ABLIM1: variants seen among roughly 807,000 people sequenced by gnomAD.
ABLIM1 encodes the protein actin-binding LIM protein 1.
Under a neutral mutation model 107.0 loss-of-function variants are expected in ABLIM1, and 40 were observed. That is an observed-to-expected ratio of 0.37 (90% CI 0.29 to 0.49). The LOEUF (loss-of-function observed/expected upper bound fraction) is 0.49, where lower values mean the gene tolerates loss of function less well. Among genes scored for constraint, ABLIM1 ranks in the 20% least tolerant of loss-of-function variants. ABLIM1 has a pLI of 0.97. For missense variants in ABLIM1, 857 were observed against 1,008.5 expected (o/e 0.85, Z 2.04); for synonymous variants, 357 against 357.3 (o/e 1.00, Z 0.01).
intron 1 of ABLIM1, among the ~76,000 whole-genome samples, chr10:114,610,409 T>C (rs1372013994): frequency 1.3e-5 from 2 of 152,200 alleles, no homozygotes; most frequent in Non-Finnish European, 2.9e-5. Flanking sequence ...CCTATTCTCA[T>C]GGCAGTCTAC....
At chr10:114,685,461 T>C (rs990743533), upstream of ABLIM1, among the ~76,000 whole-genome samples, 2 of 152,234 alleles carry the variant, frequency 1.3e-5, no homozygotes, top group African/African-American at 4.8e-5. Context: ...GTTTGATTAA[T>C]TGAAGAGTCC....
intron 1 of ABLIM1, among the ~76,000 whole-genome samples, chr10:114,739,451 A>T (rs1393116393): frequency 6.6e-6 from 1 of 152,200 alleles, no homozygotes; most frequent in Non-Finnish European, 1.5e-5. Flanking sequence ...CTTTCACCAT[A>T]AGGAGTCTGA....
In ABLIM1 at chr10:114,468,305, C is replaced by G. The variant is rs1021977818; in HGVS notation, c.1276-89G>C. 8 of 1,280,898 alleles carry G rather than the reference C, an allele frequency of 6.2e-6. No homozygotes were observed. The East Asian group carries it at 1.9e-4, about 30-fold the overall frequency. The allele number at this position is 1,280,898 out of a possible 1,614,324, so 79.3% of individuals were successfully genotyped here. ...TGTTTGTTTGTTTGAGATGGAGTCT[C>G]GCTCTGTCGCCCAGGCTGGAGTGCA... On this transcript the variant is annotated intron_variant, in intron 10 of 22. Coordinates refer to ENST00000533213, the MANE Select transcript of ABLIM1 (RefSeq NM_002313.7).
chr10:114,564,518 A>C (rs940311956), intron 4 of ABLIM1, among the ~76,000 whole-genome samples: 1 of 151,056 alleles, frequency 6.6e-6, no homozygotes, highest in Non-Finnish European at 1.5e-5. Context: ...TGATCTGCCC[A>C]CCTCAGCCTC....
At chr10:114,515,908 C>T (rs1367705515) in intron 6 of ABLIM1, among the ~76,000 whole-genome samples, 1 of 152,206 alleles carries the variant, frequency 6.6e-6, no homozygotes, top group Non-Finnish European at 1.5e-5. Flanking sequence ...TCAGAGAGGA[C>T]ATGGCTCTAC....
In ABLIM1 at chr10:114,629,861, TGAAAC is replaced by T. The variant is rs920263195; in HGVS notation, c.245-27905_245-27901del. ...AAACAAACAAACAAACAAACAAAAATGAAACGAAACGAAACAAACCTGCCTTTCTC... is the reference window on the plus strand; with the variant it reads ...AAACAAACAAACAAACAAACAAAAATGAAACGAAACAAACCTGCCTTTCTC... On this transcript the variant is annotated intron_variant, in intron 1 of 22. Coordinates refer to ENST00000533213, the MANE Select transcript of ABLIM1 (RefSeq NM_002313.7). This position sits in a 1 kb window ranked among gnomAD's most constrained non-coding sequence, Gnocchi z 4.0. Among the ~76,000 whole-genome samples, 3 of 151,838 alleles carry T rather than the reference TGAAAC, an allele frequency of 2.0e-5. No homozygotes were observed. Among genetic ancestry groups the T allele is most frequent in the African/African-American group, 7.3e-5 (3 of 41,282 alleles).
intron 1 of ABLIM1, among the ~76,000 whole-genome samples, chr10:114,691,237 A>C (rs560855385): frequency 6.6e-6 from 1 of 152,284 alleles, no homozygotes; most frequent in South Asian, 2.1e-4. Flanking sequence ...CTCCACCTCA[A>C]CATTCTCACA....
chr10:114,526,791 C>A (rs549734481), intron 6 of ABLIM1: 2 of 985,444 alleles, frequency 2.0e-6, no homozygotes, highest in Admixed American at 1.2e-4. Flanking sequence ...CAGACTGAGG[C>A]TCCCACCTGC....
intron 2 of ABLIM1, among the ~76,000 whole-genome samples, chr10:114,586,928 TA>T (rs1215330224): frequency 1.3e-5 from 2 of 152,146 alleles, no homozygotes; most frequent in Non-Finnish European, 2.9e-5. Flanking sequence ...CAATTTTTCC[TA>T]AAAAAATGAA....
At chr10:114,767,569 T>A (rs1161965237) in intron 1 of ABLIM1, among the ~76,000 whole-genome samples, 5 of 150,050 alleles carry the variant, frequency 3.3e-5, no homozygotes, top group Admixed American at 6.7e-5. Context: ...GGGTGGGGAG[T>A]GGAAGGGGAG....
At chr10:114,650,705 C>T (rs764767926) in intron 1 of ABLIM1, among the ~76,000 whole-genome samples, 91 of 152,160 alleles carry the variant, frequency 6.0e-4, no homozygotes, top group Non-Finnish European at 1.1e-3. Context: ...TCCTTTTACT[C>T]GTATTTTGGG....
chr10:114,650,846 GAGA>G (rs1489556033), intron 1 of ABLIM1, among the ~76,000 whole-genome samples: 1 of 152,184 alleles, frequency 6.6e-6, no homozygotes. Flanking sequence ...ACATTTGGGT[GAGA>G]AGAAGAGGGG....
chr10:114,625,412 T>C (rs2077725902), intron 1 of ABLIM1, among the ~76,000 whole-genome samples: 1 of 152,072 alleles, frequency 6.6e-6, no homozygotes, highest in South Asian at 2.1e-4. Flanking sequence ...ACAGACAGCA[T>C]TAGAGGCAGC....
In ABLIM1 at chr10:114,473,103, G is replaced by A. The variant is rs1355773635; in HGVS notation, c.1149C>T (p.Tyr383=). ...YAKVDNEILD[Y]KDLAAIPKVK... ...CCTTCGGAATGGCTGCTAAATCCTT[G>A]TAATCCAGGATCTCATTGTCTACTT... The change falls in exon 10 of 23, where the codon TAC becomes TAT. Residue 383 remains tyrosine, a synonymous_variant. Transcript: ENST00000533213. 2 of 1,611,958 alleles carry A rather than the reference G, an allele frequency of 1.2e-6. No homozygotes were observed. The highest frequency in any genetic ancestry group is 1.7e-6 in the Non-Finnish European group (2 of 1,178,898).
At chr10:114,783,924 C>G in the ABLIM1 span, among the ~76,000 whole-genome samples, 1 of 152,142 alleles carries the variant, frequency 6.6e-6, no homozygotes, top group Non-Finnish European at 1.5e-5. Context: ...AAAATGTGCA[C>G]TGAACTTGGC....
At chr10:114,439,293 T>C (rs756597263) in intron 20 of ABLIM1, 43 bp from the exon 21 acceptor site, 7 of 1,608,518 alleles carry the variant, frequency 4.4e-6, no homozygotes, top group Non-Finnish European at 6.0e-6. Context: ...TGAAATAGTC[T>C]AGGAAACTGA....
At chr10:114,695,932 G>T (rs570817911) in intron 1 of ABLIM1, among the ~76,000 whole-genome samples, 1 of 152,276 alleles carries the variant, frequency 6.6e-6, no homozygotes, top group East Asian at 1.9e-4. Flanking sequence ...TGTGGCAACT[G>T]ATGCTTATCC....
chr10:114,793,586 C>T, the ABLIM1 span, among the ~76,000 whole-genome samples: 29 of 152,320 alleles, frequency 1.9e-4, no homozygotes, highest in Non-Finnish European at 3.1e-4. Context: ...GTGGCCCCAG[C>T]TCCTGCACCT....
intron 1 of ABLIM1, among the ~76,000 whole-genome samples, chr10:114,645,522 G>A (rs2078976417): frequency 2.0e-5 from 3 of 150,150 alleles, no homozygotes; most frequent in Non-Finnish European, 4.4e-5. Context: ...ATATTTTTAT[G>A]CTAAAAAAAA....
Sources: allele counts gnomAD v4.1 joint callset (sites outside exome capture counted in the v4.1 genomes callset), GRCh38; gene constraint gnomAD v4.1.1; non-coding constraint Gnocchi (gnomAD v3.1); transcripts MANE v1.5; gene names NCBI Gene and HGNC (gene_info 2026-07-23, HGNC 2026-07-21).